Variants in BTBD9 observed in about 807,000 individuals in gnomAD.
BTBD9 encodes BTB domain containing 9.
In BTBD9, 49 loss-of-function variants were observed where a neutral mutation model predicts 64.3. That is an observed-to-expected ratio of 0.76 (90% confidence interval 0.61 to 0.97). The LOEUF (loss-of-function observed/expected upper bound fraction) is 0.97. BTBD9 is among the 50% of genes least tolerant of loss of function. The pLI is 0.00. For synonymous variants in BTBD9, 260 were observed against 274.7 expected, an observed-to-expected ratio of 0.95 and a Z score of 0.53; for missense variants, 598 against 762.1, an observed-to-expected ratio of 0.78 and a Z score of 2.53.
rs569441212 is a variant in BTBD9, at chr6:38,297,821, G to A, written c.1265-9360C>T. Among the ~76,000 whole-genome samples the A allele has an allele frequency of 1.1e-3, 160 of 148,602 alleles. 1 individual carries two copies. Among genetic ancestry groups the A allele is most frequent in the South Asian group, 9.7e-3 (45 of 4,628 alleles). ...TCTTTGCTGTTTCTCTTACCTTTCT[G>A]CCCATTCTGCTCCAGTTTTCTTTTT... On this transcript the variant is annotated intron_variant, in intron 7 of 10. Coordinates refer to ENST00000481247, the MANE Select transcript of BTBD9 (RefSeq NM_001099272.2).
At chr6:38,610,072 T>C (rs1777559732) in intron 1 of BTBD9, among the ~76,000 whole-genome samples, 1 of 152,202 alleles carries the variant, frequency 6.6e-6, no homozygotes, top group African/African-American at 2.4e-5. Context: ...AAAAATAAAT[T>C]GTGGTTAATA....
chr6:38,501,062 C>A (rs1158472838), intron 6 of BTBD9, among the ~76,000 whole-genome samples: 3 of 152,104 alleles, frequency 2.0e-5, no homozygotes, highest in Non-Finnish European at 4.4e-5. Context: ...AAAACGAGAA[C>A]AAAATTCACA....
At chr6:38,422,672 T>A (rs964311021) in intron 6 of BTBD9, among the ~76,000 whole-genome samples, 1 of 152,182 alleles carries the variant, frequency 6.6e-6, no homozygotes, top group Non-Finnish European at 1.5e-5. Flanking sequence ...AAACTCAAGA[T>A]AATCACTGAG....
At chr6:38,443,258 A>C (rs1304316396) in intron 6 of BTBD9, among the ~76,000 whole-genome samples, 1 of 152,200 alleles carries the variant, frequency 6.6e-6, no homozygotes, top group Non-Finnish European at 1.5e-5. Flanking sequence ...ATGTCCTCTG[A>C]AGCCAATATA....
At chr6:38,270,695 G>A (rs774363552) in intron 8 of BTBD9, among the ~76,000 whole-genome samples, 1 of 152,208 alleles carries the variant, frequency 6.6e-6, no homozygotes, top group Non-Finnish European at 1.5e-5. Flanking sequence ...CAGCCAAAAG[G>A]AAGAGGTAGC....
intron 6 of BTBD9, among the ~76,000 whole-genome samples, chr6:38,383,810 T>A (rs1766041652): frequency 6.6e-6 from 1 of 152,218 alleles, no homozygotes; most frequent in African/African-American, 2.4e-5. Flanking sequence ...AGATTGAATG[T>A]TTGCGTCCAC....
At chr6:38,625,692 CTA>C (rs1252182687) in intron 1 of BTBD9, among the ~76,000 whole-genome samples, 1 of 152,186 alleles carries the variant, frequency 6.6e-6, no homozygotes, top group Non-Finnish European at 1.5e-5. Context: ...AGCATCATAA[CTA>C]TGACTTTTTA....
Position 38,489,267 on chromosome 6 carries a change from A to G in BTBD9, c.1154+88333T>C, listed in dbSNP as rs57006917. Reference sequence around the variant, plus strand: ...ATTAGAATATTCCCAGAAGTTTGAGACCAGCCTGGGAAACATAGCAAGACC... The same window carrying G: ...ATTAGAATATTCCCAGAAGTTTGAGGCCAGCCTGGGAAACATAGCAAGACC... On this transcript the variant is annotated intron_variant, in intron 6 of 10. Coordinates refer to ENST00000481247, the MANE Select transcript of BTBD9 (RefSeq NM_001099272.2). 3.7e-3 allele frequency among the ~76,000 whole-genome samples: 570 copies of G among 152,204 alleles called. 6 individuals are homozygous for G. The highest frequency in any genetic ancestry group is 0.013 in the African/African-American group (527 of 41,526).
At chr6:38,275,041 T>A (rs1007808864) in intron 8 of BTBD9, among the ~76,000 whole-genome samples, 5 of 152,240 alleles carry the variant, frequency 3.3e-5, no homozygotes, top group African/African-American at 1.2e-4. Context: ...CATCGCCAAG[T>A]CAATCCTAAG....
At chr6:38,287,756 ATCACCAG>A (rs1313976160) in intron 8 of BTBD9, among the ~76,000 whole-genome samples, 1 of 152,242 alleles carries the variant, frequency 6.6e-6, no homozygotes, top group Non-Finnish European at 1.5e-5. Context: ...TCTGAGGGAT[ATCACCAG>A]TCTCACGTTT....
At chr6:38,448,862 C>T (rs990388973) in intron 6 of BTBD9, among the ~76,000 whole-genome samples, 1 of 152,112 alleles carries the variant, frequency 6.6e-6, no homozygotes, top group African/African-American at 2.4e-5. Context: ...TCCATTCAGC[C>T]CCTTGTCCCC....
chr6:38,295,858 G>A (rs1762139136), intron 7 of BTBD9, among the ~76,000 whole-genome samples: 1 of 152,084 alleles, frequency 6.6e-6, no homozygotes, highest in South Asian at 2.1e-4. Context: ...AGACCAGCTT[G>A]GCCAACATGA....
intron 2 of BTBD9, among the ~76,000 whole-genome samples, chr6:38,596,930 T>C (rs1251985365): frequency 1.3e-5 from 2 of 152,112 alleles, no homozygotes; most frequent in African/African-American, 4.8e-5. Context: ...AAATAATGGC[T>C]AGACCAAGGT....
chr6:38,255,515 T>C (rs1295181294), intron 9 of BTBD9, among the ~76,000 whole-genome samples: 1 of 152,146 alleles, frequency 6.6e-6, no homozygotes, highest in African/African-American at 2.4e-5. Flanking sequence ...CACAAAGAGG[T>C]ACTGATCTCT....
chr6:38,302,485 G>GTGTA (rs1554137022), intron 7 of BTBD9, among the ~76,000 whole-genome samples: 12 of 106,908 alleles, frequency 1.1e-4, no homozygotes, highest in Non-Finnish European at 1.7e-4. Flanking sequence ...TTGTGTGTAT[G>GTGTA]TATATATATA....
chr6:38,411,472 TG>T (rs1323400483), intron 6 of BTBD9, among the ~76,000 whole-genome samples: 1 of 152,166 alleles, frequency 6.6e-6, no homozygotes, highest in Non-Finnish European at 1.5e-5. Flanking sequence ...TAAGTATTGT[TG>T]GGTTAACCAG....
chr6:38,419,696 C>A (rs894506557), intron 6 of BTBD9, among the ~76,000 whole-genome samples: 3 of 152,022 alleles, frequency 2.0e-5, no homozygotes, highest in African/African-American at 7.2e-5. Flanking sequence ...CATGGAGAAA[C>A]CCCATCTCTA....
chr6:38,301,123 A>G (rs1190544272), intron 7 of BTBD9, among the ~76,000 whole-genome samples: 1 of 152,058 alleles, frequency 6.6e-6, no homozygotes, highest in African/African-American at 2.4e-5. Context: ...ATAATCATGT[A>G]GTTTTCGTCT....
chr6:38,253,973 A>G (rs1445054743), intron 9 of BTBD9, among the ~76,000 whole-genome samples: 1 of 149,048 alleles, frequency 6.7e-6, no homozygotes, highest in Non-Finnish European at 1.5e-5. Context: ...CCAACCAGGA[A>G]CTGACTACAT....
Sources: allele counts gnomAD v4.1 joint callset (sites outside exome capture counted in the v4.1 genomes callset), GRCh38; gene constraint gnomAD v4.1.1; transcripts MANE v1.5; gene names NCBI Gene and HGNC (gene_info 2026-07-23, HGNC 2026-07-21).